Variants in CACHD1 observed in about 807,000 individuals in gnomAD.
CACHD1 encodes VWFA and cache domain-containing protein 1.
A neutral mutation model predicts 138.7 loss-of-function variants in CACHD1; 71 were observed. The ratio of observed to expected loss-of-function variants is 0.51; its 90% CI spans 0.42 to 0.62. CACHD1 has a LOEUF of 0.62. Among genes scored for constraint, CACHD1 ranks in the 20% least tolerant of loss-of-function variants. The pLI is 0.00. For synonymous variants in CACHD1, 578 were observed against 591.5 expected, an observed-to-expected ratio of 0.98 and a Z score of 0.33; for missense variants, 1,389 against 1,625.3, an observed-to-expected ratio of 0.85 and a Z score of 2.50.
At chr1:64,574,764 C>A (rs974685944) in intron 2 of CACHD1, among the ~76,000 whole-genome samples, 4 of 152,132 alleles carry the variant, frequency 2.6e-5, no homozygotes, top group Admixed American at 6.6e-5. Flanking sequence ...TTATTATATC[C>A]AATTTAGAGG....
intron 3 of CACHD1, among the ~76,000 whole-genome samples, chr1:64,587,945 T>C (rs1282887952): frequency 2.0e-5 from 3 of 151,936 alleles, no homozygotes; most frequent in African/African-American, 7.2e-5. Context: ...AGATTAGCAA[T>C]TTAGAAATCC....
chr1:64,535,730 G>T (rs1239789767), intron 1 of CACHD1, among the ~76,000 whole-genome samples: 1 of 152,054 alleles, frequency 6.6e-6, no homozygotes, highest in Non-Finnish European at 1.5e-5. Flanking sequence ...CCTAGTAAAG[G>T]ACTTTTAAAG....
At chr1:64,564,144 A>G (rs1199913143) in intron 2 of CACHD1, among the ~76,000 whole-genome samples, 1 of 152,126 alleles carries the variant, frequency 6.6e-6, no homozygotes, top group Non-Finnish European at 1.5e-5. Flanking sequence ...CTGTCTAAAG[A>G]CGGATCCTCC....
At chr1:64,505,652 C>T (rs1382712834) in intron 1 of CACHD1, among the ~76,000 whole-genome samples, 2 of 142,316 alleles carry the variant, frequency 1.4e-5, no homozygotes, top group Non-Finnish European at 3.1e-5. Context: ...ACCCCAACAC[C>T]TCCACCTCTT....
At chr1:64,614,919 A>G (rs1239395131) in intron 4 of CACHD1, among the ~76,000 whole-genome samples, 1 of 152,064 alleles carries the variant, frequency 6.6e-6, no homozygotes, top group African/African-American at 2.4e-5. Flanking sequence ...CACACTGAGT[A>G]TTTTGAAAAA....
chr1:64,550,080 A>G (rs1243029484), intron 1 of CACHD1, among the ~76,000 whole-genome samples: 2 of 152,154 alleles, frequency 1.3e-5, no homozygotes, highest in Non-Finnish European at 2.9e-5. Context: ...TTAAGTCCAC[A>G]CATATTTGGC....
intron 1 of CACHD1, among the ~76,000 whole-genome samples, chr1:64,529,234 C>A (rs1379372812): frequency 6.6e-6 from 1 of 152,082 alleles, no homozygotes; most frequent in East Asian, 1.9e-4. Context: ...AGTAACTATG[C>A]TTTTAATTTT....
At chr1:64,539,421 A>G (rs1449209281) in intron 1 of CACHD1, among the ~76,000 whole-genome samples, 5 of 152,176 alleles carry the variant, frequency 3.3e-5, no homozygotes, top group African/African-American at 9.7e-5. Context: ...TGCACAGTCT[A>G]TGTATTCCAT....
At chr1:64,663,483 G>A (rs573209143) in intron 13 of CACHD1, among the ~76,000 whole-genome samples, 5 of 151,398 alleles carry the variant, frequency 3.3e-5, no homozygotes, top group South Asian at 2.1e-4. Context: ...CCCAGGAGGC[G>A]GAGTTTGCAG....
At chr1:64,658,105 G>A (rs1413631204) in intron 12 of CACHD1, among the ~76,000 whole-genome samples, 1 of 152,190 alleles carries the variant, frequency 6.6e-6, no homozygotes, top group Non-Finnish European at 1.5e-5. Flanking sequence ...GACAAATCAG[G>A]CTGACTCTGC....
At chr1:64,643,755 T>A (rs556569647) in intron 8 of CACHD1, among the ~76,000 whole-genome samples, 6 of 152,106 alleles carry the variant, frequency 3.9e-5, no homozygotes, top group Non-Finnish European at 7.4e-5. Flanking sequence ...GGAGAAAGGC[T>A]AGAACCCGGG....
At chr1:64,495,301 A>G (rs1646299599) in intron 1 of CACHD1, among the ~76,000 whole-genome samples, 1 of 152,194 alleles carries the variant, frequency 6.6e-6, no homozygotes, top group South Asian at 2.1e-4. Context: ...AAGGAAAGAA[A>G]ACCTGAGGAT....
chr1:64,648,526 T>A (rs950959709), intron 9 of CACHD1, among the ~76,000 whole-genome samples: 5 of 152,228 alleles, frequency 3.3e-5, no homozygotes, highest in African/African-American at 1.2e-4. Flanking sequence ...ATTAACTAGA[T>A]AACATATATG....
chr1:64,487,426 A>G (rs546044970), intron 1 of CACHD1, among the ~76,000 whole-genome samples: 1 of 152,322 alleles, frequency 6.6e-6, no homozygotes, highest in African/African-American at 2.4e-5. Flanking sequence ...TATGCCAATC[A>G]GGACCTACTC....
chr1:64,554,127 G>T (rs1432733869), intron 2 of CACHD1, among the ~76,000 whole-genome samples: 1 of 152,292 alleles, frequency 6.6e-6, no homozygotes, highest in African/African-American at 2.4e-5. Flanking sequence ...AAACTCCTGA[G>T]CTCAAGCAAT....
intron 2 of CACHD1, among the ~76,000 whole-genome samples, chr1:64,559,463 A>G (rs1646822476): frequency 6.6e-6 from 1 of 152,172 alleles, no homozygotes; most frequent in African/African-American, 2.4e-5. Context: ...TCATGAACAC[A>G]AAGAAGGAAA....
At chr1:64,644,795 G>A (rs755995079) in intron 8 of CACHD1, among the ~76,000 whole-genome samples, 46 of 152,140 alleles carry the variant, frequency 3.0e-4, no homozygotes, top group African/African-American at 1.0e-3. Flanking sequence ...ATTTGTTGTC[G>A]GCTAAAAATT....
chr1:64,531,229 A>G (rs562396801), intron 1 of CACHD1, among the ~76,000 whole-genome samples: 24 of 152,278 alleles, frequency 1.6e-4, no homozygotes, highest in South Asian at 4.1e-4. Flanking sequence ...TGTAAGTTGG[A>G]CAGTTTCAGG....
At chr1:64,594,891 A>C (rs1439935513) in intron 3 of CACHD1, among the ~76,000 whole-genome samples, 1 of 152,244 alleles carries the variant, frequency 6.6e-6, no homozygotes, top group Non-Finnish European at 1.5e-5. Flanking sequence ...TTAAAAATCT[A>C]TCTATAATCT....
Sources: gnomAD v4.1 joint callset for allele counts (sites outside exome capture counted in the v4.1 genomes callset) on GRCh38, gnomAD v4.1.1 for gene constraint, MANE v1.5 for transcripts, NCBI Gene and HGNC (gene_info 2026-07-23, HGNC 2026-07-21) for gene names.